MTMR1: variants seen among roughly 807,000 people sequenced by gnomAD.
The protein encoded by MTMR1 is myotubularin related protein 1.
In MTMR1, 17 loss-of-function variants were observed where a neutral mutation model predicts 51.6. The ratio of observed to expected loss-of-function variants is 0.33; its 90% CI spans 0.23 to 0.49. The LOEUF (loss-of-function observed/expected upper bound fraction) is 0.49. Among genes scored for constraint, MTMR1 ranks in the 20% least tolerant of loss-of-function variants. The pLI, the probability that MTMR1 is intolerant of heterozygous loss-of-function variation, is 0.99. For missense variants in MTMR1, 386 were observed against 526.9 expected (o/e 0.73, Z 2.62); for synonymous variants, 201 against 205.6 (o/e 0.98, Z 0.19).
rs2041964100 is a variant in MTMR1, at chrX:150,727,125, A to T, written c.353-90A>T. 3 of 539,214 alleles carry T rather than the reference A, an allele frequency of 5.6e-6. No homozygotes were observed. In the East Asian group the frequency reaches 1.0e-4, roughly 19 times the overall value. The allele number at this position is 539,214 out of a possible 1,213,427, so 44.4% of individuals were successfully genotyped here. ...AATACAAAATTCCTGGAAAACTGGAATCACAAATATATATTTGGAAAACTC... is the reference window on the plus strand; with the variant it reads ...AATACAAAATTCCTGGAAAACTGGATTCACAAATATATATTTGGAAAACTC... On this transcript the variant is annotated intron_variant, in intron 4 of 15. Transcript: ENST00000445323.
intron 2 of MTMR1, among the ~76,000 whole-genome samples, chrX:150,702,295 C>T (rs1022955423): frequency 1.1e-4 from 12 of 110,498 alleles, no homozygotes; most frequent in Admixed American, 4.8e-4. Flanking sequence ...TGTAAAAATG[C>T]AGCTTCCCGG....
intron 12 of MTMR1, among the ~76,000 whole-genome samples, chrX:150,739,694 G>A (rs1021563492): frequency 8.9e-6 from 1 of 112,441 alleles, no homozygotes; most frequent in Non-Finnish European, 1.9e-5. Flanking sequence ...CCACAGTGAA[G>A]CCAATAGGAC....
intron 4 of MTMR1, among the ~76,000 whole-genome samples, chrX:150,726,155 C>T (rs782143663): frequency 1.8e-5 from 2 of 111,428 alleles, no homozygotes; most frequent in Non-Finnish European, 3.8e-5. Flanking sequence ...GTCGGATCAG[C>T]GGTGGCATTA....
At chrX:150,717,216 G>A (rs1444361108) in intron 3 of MTMR1, among the ~76,000 whole-genome samples, 1 of 109,027 alleles carries the variant, frequency 9.2e-6, no homozygotes, top group East Asian at 2.9e-4. Context: ...AAAATTAGCC[G>A]GGCGTGGTGG....
rs1464085836 is a variant in MTMR1 at position 150,742,406 on chromosome X, G to A, written c.1474-1955G>A. On this transcript the variant is annotated intron_variant, in intron 12 of 15. Coordinates refer to ENST00000445323, the MANE Select transcript of MTMR1 (RefSeq NM_001306144.3). ...CACCATTGGATATGCAGTCATCATT[G>A]ACTGAAACGTCGTTATGTGGCACAG... 2.7e-5 allele frequency among the ~76,000 whole-genome samples: 3 copies of A among 111,842 alleles called. No homozygotes were observed. In the East Asian group the frequency reaches 8.4e-4, roughly 31 times the overall value.
At chrX:150,710,374 G>GT (rs1199407338) in intron 2 of MTMR1, among the ~76,000 whole-genome samples, 1 of 111,154 alleles carries the variant, frequency 9.0e-6, no homozygotes, top group African/African-American at 3.3e-5. Context: ...GTTTTGTTCT[G>GT]TTTTTTTGAG....
intron 10 of MTMR1, 67 bp from the exon 11 acceptor site, chrX:150,736,528 C>A: frequency 9.5e-7 from 1 of 1,054,404 alleles, no homozygotes; most frequent in Non-Finnish European, 1.3e-6. Flanking sequence ...GTCTGTATCT[C>A]ATAGCACTAG....
intron 2 of MTMR1, 107 bp downstream of exon 2, chrX:150,699,407 T>C: frequency 2.2e-6 from 1 of 459,070 alleles, no homozygotes; most frequent in Non-Finnish European, 3.6e-6. Flanking sequence ...ACATGGCCAT[T>C]TGCTCGAGAA....
chrX:150,733,674 G>C, intron 10 of MTMR1, among the ~76,000 whole-genome samples: 1 of 111,306 alleles, frequency 9.0e-6, no homozygotes, highest in Middle Eastern at 4.6e-3. Context: ...ACCTCTCTCT[G>C]TGCCTCAGGT....
chrX:150,755,191 A>T, intron 14 of MTMR1, among the ~76,000 whole-genome samples: 1 of 111,140 alleles, frequency 9.0e-6, no homozygotes, highest in East Asian at 2.8e-4. Context: ...AGGAGCTGGG[A>T]CTATACTTGG....
At chrX:150,726,485 A>G (rs1422689794) in intron 4 of MTMR1, among the ~76,000 whole-genome samples, 1 of 111,936 alleles carries the variant, frequency 8.9e-6, no homozygotes, top group Non-Finnish European at 1.9e-5. Flanking sequence ...CTCAGTACAT[A>G]AGGAGTATAG....
At chrX:150,700,285 C>T (rs1224601566) in intron 2 of MTMR1, among the ~76,000 whole-genome samples, 1 of 111,912 alleles carries the variant, frequency 8.9e-6, no homozygotes, top group Admixed American at 9.4e-5. Flanking sequence ...GCTTTATCTT[C>T]AGTTCCTCTT....
chrX:150,724,909 G>T lies in MTMR1; in HGVS notation c.353-2306G>T, dbSNP rs1168454543. 3.6e-5 allele frequency among the ~76,000 whole-genome samples: 4 copies of T among 111,298 alleles called. No individual in the cohort carries two copies. In the Admixed American group the frequency reaches 3.8e-4, roughly 11 times the overall value. On this transcript the variant is annotated intron_variant, in intron 4 of 15. Coordinates refer to ENST00000445323, the MANE Select transcript of MTMR1 (RefSeq NM_001306144.3). ...TTGTAGGTGTGCACCCTTATTTCTGGGCGCTCTATTCTGTTCCACTTGTCT... is the reference window on the plus strand; with the variant it reads ...TTGTAGGTGTGCACCCTTATTTCTGTGCGCTCTATTCTGTTCCACTTGTCT...
At chrX:150,730,070 T>G (rs782797614) in intron 6 of MTMR1, 39 bp from the exon 7 acceptor site, 6 of 963,589 alleles carry the variant, frequency 6.2e-6, no homozygotes, top group African/African-American at 1.9e-5. Context: ...AGGTGCCTGA[T>G]GTATGTTGAA....
intron 2 of MTMR1, among the ~76,000 whole-genome samples, chrX:150,707,319 A>G (rs1051929483): frequency 8.9e-6 from 1 of 111,983 alleles, no homozygotes; most frequent in African/African-American, 3.2e-5. Flanking sequence ...GGAAGAAAAT[A>G]TTTGCACACC....
intron 4 of MTMR1, 101 bp from the exon 5 acceptor site, chrX:150,727,114 G>T: frequency 2.0e-6 from 1 of 497,167 alleles, no homozygotes. Flanking sequence ...CAAAATTCCT[G>T]GAAAACTGGA....
Position 150,762,800 on chromosome X carries a change from G to A in MTMR1, c.*71G>A, listed in dbSNP as rs2043185844. 7 of 1,053,145 alleles carry A rather than the reference G, an allele frequency of 6.6e-6. No homozygotes were observed. The highest frequency in any genetic ancestry group is 8.8e-6 in the Non-Finnish European group (7 of 798,386). 86.8% of individuals were successfully genotyped at this position (1,053,145 alleles called of 1,213,427 possible). On this transcript the variant is annotated 3_prime_UTR_variant, in exon 16 of 16. Transcript: ENST00000445323. ...AAAGGGACCTGGCGATCACTGTTATGGCTGTAGCTTGTGATCTTGTCTTTT... is the reference window on the plus strand; with the variant it reads ...AAAGGGACCTGGCGATCACTGTTATAGCTGTAGCTTGTGATCTTGTCTTTT...
chrX:150,758,531 C>T (rs1185162359), intron 15 of MTMR1, among the ~76,000 whole-genome samples: 2 of 112,011 alleles, frequency 1.8e-5, no homozygotes, highest in African/African-American at 6.5e-5. Flanking sequence ...CAGTAACTTA[C>T]GCCTGTAATC....
At chrX:150,731,298 G>A (rs1207326948) in intron 8 of MTMR1, among the ~76,000 whole-genome samples, 172 bp from the exon 9 acceptor site, 1 of 111,981 alleles carries the variant, frequency 8.9e-6, no homozygotes, top group Non-Finnish European at 1.9e-5. Flanking sequence ...AAATGTCTAG[G>A]AAATGGGTTT....
Sources: allele counts gnomAD v4.1 joint callset (sites outside exome capture counted in the v4.1 genomes callset), GRCh38; gene constraint gnomAD v4.1.1; transcripts MANE v1.5; gene names NCBI Gene and HGNC (gene_info 2026-07-23, HGNC 2026-07-21).